The following RBFOX3 variants were observed in gnomAD, a reference collection of about 807,000 sequenced individuals.
RBFOX3 encodes RNA binding protein fox-1 homolog 3.
A neutral mutation model predicts 48.7 loss-of-function variants in RBFOX3; 17 were observed. That is an observed-to-expected ratio of 0.35 (90% confidence interval 0.24 to 0.52). The LOEUF is 0.52. Among genes scored for constraint, RBFOX3 ranks in the 20% least tolerant of loss-of-function variants. The pLI is 0.94. For missense variants in RBFOX3, 382 were observed against 497.5 expected, an observed-to-expected ratio of 0.77 and a Z score of 2.21; for synonymous variants, 212 against 209.5, an observed-to-expected ratio of 1.01 and a Z score of -0.10.
intron 2 of RBFOX3, among the ~76,000 whole-genome samples, chr17:79,437,921 T>C (rs139050328): frequency 2.7e-5 from 4 of 149,688 alleles, no homozygotes; most frequent in Non-Finnish European, 6.0e-5. Flanking sequence ...CTCATGTACA[T>C]GCACACGCAT....
At chr17:79,353,788 T>C (rs567937755) in intron 2 of RBFOX3, among the ~76,000 whole-genome samples, 2 of 152,162 alleles carry the variant, frequency 1.3e-5, no homozygotes, top group Admixed American at 1.3e-4. Flanking sequence ...AGCAGAGTGC[T>C]CCTGAGGCAC....
intron 4 of RBFOX3, among the ~76,000 whole-genome samples, chr17:79,188,372 G>A (rs767106583): frequency 2.0e-4 from 31 of 152,248 alleles, no homozygotes; most frequent in Admixed American, 3.9e-4. Context: ...AGAGACTGCA[G>A]CAAAAGTAAA....
chr17:79,171,667 G>T (rs778865331), intron 4 of RBFOX3, among the ~76,000 whole-genome samples: 30 of 147,296 alleles, frequency 2.0e-4, no homozygotes, highest in Non-Finnish European at 3.4e-4. Context: ...TTGCCACTTT[G>T]CCCAGGCTGG....
At chr17:79,191,244 G>A (rs889756477) in intron 4 of RBFOX3, among the ~76,000 whole-genome samples, 5 of 152,200 alleles carry the variant, frequency 3.3e-5, no homozygotes, top group East Asian at 1.9e-4. Flanking sequence ...TGGAGAGCAC[G>A]TGCAGCACTG....
At chr17:79,617,987 C>T in the RBFOX3 span, among the ~76,000 whole-genome samples, 1 of 152,326 alleles carries the variant, frequency 6.6e-6, no homozygotes, top group East Asian at 1.9e-4. Flanking sequence ...GTGTGCGACT[C>T]CATATCAGTG....
chr17:79,555,404 T>C (rs1375580694), intron 1 of RBFOX3, among the ~76,000 whole-genome samples: 3 of 90,252 alleles, frequency 3.3e-5, no homozygotes, highest in Middle Eastern at 6.8e-3. Flanking sequence ...GTGGTGATGA[T>C]GGTAGTTGTG....
At chr17:79,352,046 C>T (rs891082940) in intron 2 of RBFOX3, among the ~76,000 whole-genome samples, 2 of 152,076 alleles carry the variant, frequency 1.3e-5, no homozygotes, top group Admixed American at 6.5e-5. Flanking sequence ...CAAGCATATC[C>T]ACCAGAACCA....
rs373195531 is a variant in RBFOX3 at position 79,212,109 on chromosome 17, C to T, written c.-34+23657G>A. On this transcript the variant is annotated intron_variant, in intron 4 of 14. Coordinates refer to ENST00000693108, the MANE Select transcript of RBFOX3 (RefSeq NM_001350451.2). The surrounding 1 kb of genome is among the most constrained non-coding windows in gnomAD (Gnocchi z 4.7). ...GGGGAAATTGACCAGCGCCCAAAGACGGGCCCACCTGGGCATCTTCGACCA... is the reference window on the plus strand; with the variant it reads ...GGGGAAATTGACCAGCGCCCAAAGATGGGCCCACCTGGGCATCTTCGACCA... 2.6e-5 allele frequency among the ~76,000 whole-genome samples: 4 copies of T among 152,350 alleles called. No individual in the cohort carries two copies. Among genetic ancestry groups the T allele is most frequent in the African/African-American group, 7.2e-5 (3 of 41,586 alleles).
intron 2 of RBFOX3, among the ~76,000 whole-genome samples, chr17:79,437,300 C>T (rs2069712933): frequency 6.6e-6 from 1 of 152,220 alleles, no homozygotes; most frequent in Admixed American, 6.5e-5. Flanking sequence ...AAATATTGTC[C>T]GTTCCAAGCT....
intron 3 of RBFOX3, among the ~76,000 whole-genome samples, chr17:79,267,947 C>T (rs760460504): frequency 2.8e-4 from 43 of 152,292 alleles, no homozygotes; most frequent in South Asian, 2.3e-3. Context: ...TCTATCCACA[C>T]GATTTCTAAA....
chr17:79,176,244 G>A (rs963962274), intron 4 of RBFOX3, among the ~76,000 whole-genome samples: 1 of 152,236 alleles, frequency 6.6e-6, no homozygotes, highest in Non-Finnish European at 1.5e-5. Flanking sequence ...GACCCTGCCT[G>A]CCCCACAGAG....
At chr17:79,608,785 G>GGC (rs1167825513) in intron 1 of RBFOX3, among the ~76,000 whole-genome samples, 1 of 152,090 alleles carries the variant, frequency 6.6e-6, no homozygotes, top group African/African-American at 2.4e-5. Context: ...CGGTGAGCGA[G>GGC]GCGCCCACGC....
intron 4 of RBFOX3, among the ~76,000 whole-genome samples, chr17:79,232,918 T>C (rs973939015): frequency 6.6e-6 from 1 of 152,236 alleles, no homozygotes; most frequent in Non-Finnish European, 1.5e-5. Flanking sequence ...CTGGTGGGAA[T>C]GTAAAGTCGT....
intron 3 of RBFOX3, among the ~76,000 whole-genome samples, chr17:79,268,887 T>C (rs1246313897): frequency 6.6e-6 from 1 of 152,218 alleles, no homozygotes; most frequent in African/African-American, 2.4e-5. Flanking sequence ...AGCTCAGCCA[T>C]TGCTCCCTGA....
intron 1 of RBFOX3, among the ~76,000 whole-genome samples, chr17:79,570,719 A>G (rs974614196): frequency 6.6e-6 from 1 of 151,354 alleles, no homozygotes; most frequent in Admixed American, 6.6e-5. Flanking sequence ...CTGACTCCAC[A>G]CTCTAGGGTG....
chr17:79,465,967 C>A (rs779052528), intron 2 of RBFOX3, among the ~76,000 whole-genome samples: 40 of 152,236 alleles, frequency 2.6e-4, no homozygotes, highest in Non-Finnish European at 3.4e-4. Flanking sequence ...TTCTGGGCAT[C>A]CCCACGGCCC....
At position 79,096,836 on chromosome 17, in the gene RBFOX3, GT is replaced by G; in HGVS notation, c.756-4del. On this transcript the variant is annotated splice_polypyrimidine_tract_variant and splice_region_variant and intron_variant, in intron 11 of 14. Coordinates refer to ENST00000693108, the MANE Select transcript of RBFOX3 (RefSeq NM_001350451.2). ...TAACAAGCGTTTGCTCCAGTGCCCT[GT>G]TTTGGTATAACAATAGAGTAACACC... 2 of 738,302 alleles carry G rather than the reference GT, an allele frequency of 2.7e-6. No homozygotes were observed. Among genetic ancestry groups the G allele is most frequent in the Non-Finnish European group, 2.4e-6 (1 of 421,090 alleles). The allele number at this position is 738,302 out of a possible 1,614,324, so 45.7% of individuals were successfully genotyped here.
intron 2 of RBFOX3, among the ~76,000 whole-genome samples, chr17:79,452,346 G>A (rs1398691686): frequency 6.6e-6 from 1 of 152,192 alleles, no homozygotes; most frequent in Non-Finnish European, 1.5e-5. Context: ...AGTCATGGTG[G>A]AAGGGAAGGC....
chr17:79,374,359 G>A (rs2058961806), intron 2 of RBFOX3, among the ~76,000 whole-genome samples: 1 of 152,220 alleles, frequency 6.6e-6, no homozygotes, highest in Non-Finnish European at 1.5e-5. Context: ...TGGTGCGGGG[G>A]CAGGCTGCTC....
Sources: allele counts gnomAD v4.1 joint callset (sites outside exome capture counted in the v4.1 genomes callset), GRCh38; gene constraint gnomAD v4.1.1; non-coding constraint Gnocchi (gnomAD v3.1); transcripts MANE v1.5; gene names NCBI Gene and HGNC (gene_info 2026-07-23, HGNC 2026-07-21).